Variants in DNAH1 observed in about 807,000 individuals in gnomAD.
DNAH1 encodes axonemal beta dynein heavy chain 1.
A neutral mutation model predicts 484.3 loss-of-function variants in DNAH1; 327 were observed. The observed-to-expected ratio is 0.68, with a 90% CI of 0.62 to 0.74. The LOEUF (loss-of-function observed/expected upper bound fraction) is 0.74. DNAH1 is among the 30% of genes least tolerant of loss of function. The pLI is 0.00. For missense variants in DNAH1, 5,052 were observed against 5,546.8 expected (o/e 0.91, Z 2.83); for synonymous variants, 2,192 against 2,191.9 (o/e 1.00, Z 0.00).
In DNAH1 at chr3:52,368,831, T is replaced by G; in HGVS notation, c.5856T>G (p.Asp1952Glu). 6.2e-7 allele frequency: 1 copy of G among 1,613,916 alleles called. No individual in the cohort carries two copies. The highest frequency in any genetic ancestry group is 8.5e-7 in the Non-Finnish European group (1 of 1,179,886). ...KKWYMFDGPV[D>E]AIWIENMNTV... Reference sequence around the variant, plus strand: ...GGTACATGTTCGATGGGCCGGTGGATGCCATCTGGATTGAGAACATGAACA... The same window carrying G: ...GGTACATGTTCGATGGGCCGGTGGAGGCCATCTGGATTGAGAACATGAACA... Residue 1952 changes from aspartate (D) to glutamate (E), a missense_variant, in exon 37 of 78, where the codon GAT (aspartate) becomes GAG (glutamate). Coordinates refer to ENST00000420323, the MANE Select transcript of DNAH1 (RefSeq NM_015512.5). The surrounding 1 kb of genome is among the most constrained non-coding windows in gnomAD (Gnocchi z 4.4).
In DNAH1 at chr3:52,364,744, G is replaced by T; in HGVS notation, c.5331+20G>T. 2 of 1,610,080 alleles carry T rather than the reference G, an allele frequency of 1.2e-6. No individual in the cohort carries two copies. Among genetic ancestry groups the T allele is most frequent in the Non-Finnish European group, 1.7e-6 (2 of 1,177,570 alleles). On this transcript the variant is annotated intron_variant, in intron 33 of 77. Transcript: ENST00000420323. The surrounding 1 kb of genome is among the most constrained non-coding windows in gnomAD (Gnocchi z 4.2). Reference sequence around the variant, plus strand: ...AATGAGGTGAGCTCCACCCAGCAGGGCTCCAGGAGTGGAACTCTGGGAGGG... The same window carrying T: ...AATGAGGTGAGCTCCACCCAGCAGGTCTCCAGGAGTGGAACTCTGGGAGGG...
intron 22 of DNAH1, 141 bp from the exon 23 acceptor site, chr3:52,357,472 TG>T: frequency 1.8e-6 from 2 of 1,101,584 alleles, no homozygotes; most frequent in Non-Finnish European, 2.6e-6. Context: ...TTGCAGCCAC[TG>T]GCTCAGGGAG....
Position 52,361,134 on chromosome 3 carries a change from G to T in DNAH1, c.4686-30G>T. Reference sequence around the variant, plus strand: ...AGGGGGAGTGTCCAGGCCATGTGCGGCCCGAGCCCACCTCCTCTGTCTCCT... The same window carrying T: ...AGGGGGAGTGTCCAGGCCATGTGCGTCCCGAGCCCACCTCCTCTGTCTCCT... On this transcript the variant is annotated intron_variant, in intron 28 of 77. Coordinates refer to ENST00000420323, the MANE Select transcript of DNAH1 (RefSeq NM_015512.5). This position sits in a 1 kb window ranked among gnomAD's most constrained non-coding sequence, Gnocchi z 5.6. The T allele has an allele frequency of 6.6e-7, 1 of 1,512,820 alleles. No homozygotes were observed. Among genetic ancestry groups the T allele is most frequent in the Middle Eastern group, 1.8e-4 (1 of 5,656 alleles). The allele number at this position is 1,512,820 out of a possible 1,614,324, so 93.7% of individuals were successfully genotyped here.
intron 60 of DNAH1, among the ~76,000 whole-genome samples, chr3:52,390,342 GT>G (rs1344984196): frequency 6.6e-6 from 1 of 152,200 alleles, no homozygotes; most frequent in Non-Finnish European, 1.5e-5. Flanking sequence ...GTGCATGCCT[GT>G]AGTCCCAGCT....
chr3:52,398,034 A>C lies in DNAH1; in HGVS notation c.11961A>C (p.Ile3987=), dbSNP rs1305107295. Residue 3987 remains isoleucine, a splice_region_variant and synonymous_variant, in exon 75 of 78, where the codon ATA becomes ATC. Coordinates refer to ENST00000420323, the MANE Select transcript of DNAH1 (RefSeq NM_015512.5). Reference sequence around the variant, plus strand: ...ACAGTATTCCTTTGCCCCTGCAGATAGTGGAGGACGTCACCCAAAACATTC... The same window carrying C: ...ACAGTATTCCTTTGCCCCTGCAGATCGTGGAGGACGTCACCCAAAACATTC... ...SSAGSQGREE[I]VEDVTQNILL... is the part of the protein sequence containing the mutation. 6.2e-7 allele frequency: 1 copy of C among 1,613,356 alleles called. No individual in the cohort carries two copies. The highest frequency in any genetic ancestry group is 1.3e-5 in the African/African-American group (1 of 75,032).
At chr3:52,356,911 C>A in intron 22 of DNAH1, 133 bp downstream of exon 22, 2 of 1,173,628 alleles carry the variant, frequency 1.7e-6, no homozygotes, top group Non-Finnish European at 2.4e-6. Context: ...GATCTTGAAC[C>A]ATGTCCTCCA....
intron 26 of DNAH1, among the ~76,000 whole-genome samples, 156 bp from the exon 27 acceptor site, chr3:52,359,760 C>T (rs1397284456): frequency 2.6e-5 from 4 of 152,222 alleles, no homozygotes; most frequent in Non-Finnish European, 5.9e-5. Flanking sequence ...TACTTCCTTC[C>T]TTCCCCTGCC....
intron 2 of DNAH1, among the ~76,000 whole-genome samples, 183 bp from the exon 3 acceptor site, chr3:52,323,625 C>T (rs923228234): frequency 1.3e-5 from 2 of 152,188 alleles, no homozygotes; most frequent in Non-Finnish European, 2.9e-5. Context: ...GTAGCCACAG[C>T]TTGTTGCCCA....
intron 39 of DNAH1, 36 bp from the exon 40 acceptor site, chr3:52,370,440 TC>T: frequency 1.2e-6 from 2 of 1,613,488 alleles, no homozygotes; most frequent in Non-Finnish European, 1.7e-6. Context: ...TTGATACTGT[TC>T]CTGTCTCAGC....
chr3:52,399,460 G>A, intron 76 of DNAH1, 85 bp from the exon 77 acceptor site: 1 of 1,231,312 alleles, frequency 8.1e-7, no homozygotes, highest in East Asian at 2.5e-5. Flanking sequence ...GCATTAGGCA[G>A]CTCTCTCAGA....
At position 52,399,397 on chromosome 3, in the gene DNAH1, G is replaced by A. The variant is rs150996974; in HGVS notation, c.12442-148G>A. On this transcript the variant is annotated intron_variant, in intron 76 of 77. Transcript: ENST00000420323. ...CAGAAATCCACAGGGGCAGGGCACA[G>A]ACCACAGGCCATGGGCTAAAGTGGT... The A allele has an allele frequency of 5.6e-3, 5,190 of 924,378 alleles. 54 individuals are homozygous for A. Among genetic ancestry groups the A allele is most frequent in the South Asian group, 0.023 (1,389 of 61,638 alleles). 57.3% of individuals were successfully genotyped at this position (924,378 alleles called of 1,614,324 possible). A position where few individuals can be genotyped will look rare whatever the true frequency, so the allele number is the denominator to read the frequency against.
chr3:52,351,832 C>G (rs542281246), intron 16 of DNAH1, 130 bp from the exon 17 acceptor site: 8 of 1,153,304 alleles, frequency 6.9e-6, no homozygotes, highest in Middle Eastern at 2.9e-4. Context: ...GCCTCCACAG[C>G]TGCCTGGATT....
rs780221290 is a variant in DNAH1, at chr3:52,366,554, C to T, written c.5610+6C>T. The T allele has an allele frequency of 1.9e-6, 3 of 1,585,760 alleles. No individual in the cohort carries two copies. The highest frequency in any genetic ancestry group is 3.6e-5 in the Admixed American group (2 of 55,886). ...CAGGCTCCGGCAAGAGTACTGTAAG[C>T]AGAGCCAAGCTTGGCAGCCAGTGTC... On this transcript the variant is annotated splice_donor_region_variant and intron_variant, in intron 35 of 77. Coordinates refer to ENST00000420323, the MANE Select transcript of DNAH1 (RefSeq NM_015512.5).
chr3:52,345,617 G>A lies in DNAH1; in HGVS notation c.1567G>A (p.Val523Met), dbSNP rs1330217924. 6.2e-7 allele frequency: 1 copy of A among 1,609,002 alleles called. No homozygotes were observed. The highest frequency in any genetic ancestry group is 1.7e-5 in the Admixed American group (1 of 59,290). The change falls in exon 10 of 78, where the codon GTG (valine) becomes ATG (methionine). Residue 523 changes from valine to methionine, a missense_variant. Transcript: ENST00000420323. ...LSKVRAECNK[V>M]TAMSLFHSSL... The stretch of plus-strand genomic sequence containing the variant: ...CAAGGTGAGGGCCGAGTGCAACAAG[G>A]TGACCGCCATGTCCCTGTTCCACTC...
Position 52,357,992 on chromosome 3 carries a change from A to T in DNAH1, c.4075A>T (p.Asn1359Tyr). The T allele has an allele frequency of 6.2e-7, 1 of 1,608,464 alleles. No homozygotes were observed. The highest frequency in any genetic ancestry group is 8.5e-7 in the Non-Finnish European group (1 of 1,176,574). Residue 1359 changes from asparagine to tyrosine, a missense_variant, in exon 24 of 78, where the codon AAC becomes TAC. Coordinates refer to ENST00000420323, the MANE Select transcript of DNAH1 (RefSeq NM_015512.5). ...VQPHLRKCFE[N>Y]IARLLFQEDL... ...GCCACACCTGCGCAAGTGCTTCGAG[A>T]ACATCGCTCGGGTGGGCAGCTGGGC...
chr3:52,349,259 GAGA>G lies in DNAH1; in HGVS notation c.2368_2370del (p.Lys790del). ...GGAGGTAGTGCTCACCCACCTGCGG[GAGA>G]AGGAGATCCTGGACAGCTCGCTGCC... On this transcript the variant is annotated inframe_deletion, in exon 14 of 78. Coordinates refer to ENST00000420323, the MANE Select transcript of DNAH1 (RefSeq NM_015512.5). 1.2e-6 allele frequency: 2 copies of G among 1,613,978 alleles called. No individual in the cohort carries two copies. Among genetic ancestry groups the G allele is most frequent in the Non-Finnish European group, 1.7e-6 (2 of 1,179,880 alleles).
chr3:52,325,248 C>T (rs1701294440), intron 3 of DNAH1, among the ~76,000 whole-genome samples: 1 of 152,146 alleles, frequency 6.6e-6, no homozygotes, highest in Non-Finnish European at 1.5e-5. Flanking sequence ...ACCCCAGATG[C>T]CACTCCCAAG....
Position 52,394,455 on chromosome 3 carries a change from C to T in DNAH1, c.10627-10C>T, listed in dbSNP as rs1411379067. 2.5e-6 allele frequency: 4 copies of T among 1,613,740 alleles called. No homozygotes were observed. The Middle Eastern group carries it at 5.0e-4, about 200-fold the overall frequency. On this transcript the variant is annotated splice_polypyrimidine_tract_variant and intron_variant, in intron 66 of 77. Coordinates refer to ENST00000420323, the MANE Select transcript of DNAH1 (RefSeq NM_015512.5). ...GGCCTGGGCATCAGCCTCCTCCTGT[C>T]CCCTGCCAGAGTGAGTGGCGATACC...
chr3:52,344,533 G>T lies in DNAH1; in HGVS notation c.1330G>T (p.Asp444Tyr). 6 of 1,614,016 alleles carry T rather than the reference G, an allele frequency of 3.7e-6. No individual in the cohort carries two copies. The highest frequency in any genetic ancestry group is 5.1e-6 in the Non-Finnish European group (6 of 1,179,866). ...CAGTCTTGCCAGAGAAGTGAGCCTG[G>T]ACTATGAGCGCAGCATGAACAAGAT... is the stretch of plus-strand genomic sequence containing the variant. The part of the protein sequence containing the change: ...LSSLAREVSL[D>Y]YERSMNKINF... Residue 444 changes from aspartate (D) to tyrosine (Y), a missense_variant, in exon 9 of 78, where the codon GAC becomes TAC. Asp to Tyr is a radical substitution (Grantham distance 160). Around this residue, in one of 4 missense-constraint regions of DNAH1, gnomAD observed 1,263 missense variants for 1,218.8 expected, o/e 1.04. Coordinates refer to ENST00000420323, the MANE Select transcript of DNAH1 (RefSeq NM_015512.5).
Sources: allele counts gnomAD v4.1 joint callset (sites outside exome capture counted in the v4.1 genomes callset), GRCh38; gene constraint gnomAD v4.1.1; regional missense constraint gnomAD v4.1.1; non-coding constraint Gnocchi (gnomAD v3.1); transcripts MANE v1.5; gene names NCBI Gene and HGNC (gene_info 2026-07-23, HGNC 2026-07-21).